GABRB1: variants seen among roughly 807,000 people sequenced by gnomAD.
The protein encoded by GABRB1 is gamma-aminobutyric acid type A receptor subunit beta1.
GABRB1 carries 17 observed loss-of-function variants against 51.6 expected under a neutral mutation model. The observed-to-expected ratio is 0.33, with a 90% CI of 0.23 to 0.49. GABRB1 has a LOEUF of 0.49. GABRB1 is among the 20% of genes least tolerant of loss of function. The probability of loss-of-function intolerance (pLI) is 0.99; values close to 1 mark genes in which losing one functional copy is unlikely to be tolerated. For synonymous variants in GABRB1, 247 were observed against 218.9 expected (o/e 1.13, Z -1.14); for missense variants, 410 against 600.6 (o/e 0.68, Z 3.32).
At chr4:47,333,190 TTATTTATATATATATATATATATATA>T (rs1442772181) in intron 5 of GABRB1, among the ~76,000 whole-genome samples, 2 of 83,504 alleles carry the variant, frequency 2.4e-5, no homozygotes, top group African/African-American at 5.2e-5. Flanking sequence ...AAAACCCATT[TTATTTATATATATATATATATATATA>T]TATATATATA....
At chr4:47,083,321 C>A (rs1727929633) in intron 3 of GABRB1, among the ~76,000 whole-genome samples, 1 of 152,126 alleles carries the variant, frequency 6.6e-6, no homozygotes, top group Non-Finnish European at 1.5e-5. Flanking sequence ...TTAGACTTTA[C>A]CTTTCTTGAG....
intron 3 of GABRB1, among the ~76,000 whole-genome samples, chr4:47,156,668 CAT>C (rs1435830481): frequency 6.7e-6 from 1 of 149,430 alleles, no homozygotes; most frequent in Non-Finnish European, 1.5e-5. Flanking sequence ...TTAAAAAAAA[CAT>C]ATATATGTTG....
At chr4:47,189,483 A>G (rs1404093362) in intron 4 of GABRB1, among the ~76,000 whole-genome samples, 2 of 151,894 alleles carry the variant, frequency 1.3e-5, no homozygotes, top group Non-Finnish European at 1.5e-5. Flanking sequence ...AAACTATCCA[A>G]TAACCTCTAT....
At chr4:47,250,779 T>C (rs904116045) in intron 4 of GABRB1, among the ~76,000 whole-genome samples, 10 of 152,190 alleles carry the variant, frequency 6.6e-5, no homozygotes, top group African/African-American at 2.4e-4. Flanking sequence ...CATTTCTGTG[T>C]GTCCAATGTT....
chr4:47,185,836 G>A (rs576186706), intron 4 of GABRB1, among the ~76,000 whole-genome samples: 1 of 151,932 alleles, frequency 6.6e-6, no homozygotes, highest in Admixed American at 6.6e-5. Flanking sequence ...GATGGAAAAA[G>A]TAATCAAAAG....
intron 5 of GABRB1, among the ~76,000 whole-genome samples, chr4:47,329,887 T>C (rs1019465180): frequency 6.6e-6 from 1 of 151,880 alleles, no homozygotes; most frequent in Non-Finnish European, 1.5e-5. Flanking sequence ...GACAGATTTA[T>C]TATAAGGAAT....
chr4:47,404,528 C>CACACACACACAT (rs1175767827), intron 7 of GABRB1, among the ~76,000 whole-genome samples: 2 of 150,742 alleles, frequency 1.3e-5, no homozygotes, highest in African/African-American at 4.9e-5. Context: ...CACACACACA[C>CACACACACACAT]ATCATTTCTG....
intron 3 of GABRB1, among the ~76,000 whole-genome samples, chr4:47,138,071 T>C (rs1560552951): frequency 6.6e-6 from 1 of 152,062 alleles, no homozygotes; most frequent in Non-Finnish European, 1.5e-5. Context: ...GTATTCAAGA[T>C]TGTGTGGATG....
intron 3 of GABRB1, among the ~76,000 whole-genome samples, chr4:47,111,734 A>G (rs1309532066): frequency 1.3e-5 from 2 of 151,894 alleles, no homozygotes; most frequent in African/African-American, 4.8e-5. Flanking sequence ...GCAGGGTGGC[A>G]CATACCTGTA....
In GABRB1 at chr4:47,425,899, C is replaced by A. The variant is rs1165212701; in HGVS notation, c.1306C>A (p.Leu436Ile). The change falls in exon 9 of 9, where the codon CTC (leucine) becomes ATC (isoleucine). Residue 436 changes from leucine (L) to isoleucine (I), a missense_variant. By Grantham distance (5) the Leu-to-Ile change is conservative. Transcript: ENST00000295454. ...KGRIRRRASQ[L>I]KVKIPDLTDV... The stretch of plus-strand genomic sequence containing the variant: ...GCGCATCCGCAGGCGTGCCTCCCAG[C>A]TCAAAGTCAAGATCCCCGACTTGAC... The A allele has an allele frequency of 1.9e-6, 3 of 1,614,116 alleles. No homozygotes were observed. In the Admixed American group the frequency reaches 5.0e-5, roughly 27 times the overall value.
chr4:47,426,079 G>A lies in GABRB1; in HGVS notation c.*61G>A. 1.5e-6 allele frequency: 2 copies of A among 1,348,862 alleles called. No individual in the cohort carries two copies. Among genetic ancestry groups the A allele is most frequent in the South Asian group, 2.9e-5 (2 of 69,754 alleles). The allele number at this position is 1,348,862 out of a possible 1,614,324, so 83.6% of individuals were successfully genotyped here. On this transcript the variant is annotated 3_prime_UTR_variant, in exon 9 of 9. Transcript: ENST00000295454. ...TCTTCTATTGTTTTTTAACCTTACA[G>A]GTCCCCAACAGCGATACTGCTGTTT...
intron 5 of GABRB1, among the ~76,000 whole-genome samples, chr4:47,376,560 T>C (rs554597927): frequency 5.3e-4 from 81 of 152,084 alleles, no homozygotes; most frequent in Non-Finnish European, 1.1e-3. Flanking sequence ...GGCAGGAGAA[T>C]GGCGTGAACC....
rs116969944 is a variant in GABRB1, at chr4:47,425,892, C to T, written c.1299C>T (p.Ala433=). Residue 433 remains alanine, a synonymous_variant, in exon 9 of 9, where the codon GCC becomes GCT. Transcript: ENST00000295454. ...VPSKGRIRRR[A]SQLKVKIPDL... ...GCAAGGGGCGCATCCGCAGGCGTGC[C>T]TCCCAGCTCAAAGTCAAGATCCCCG... The T allele has an allele frequency of 3.1e-6, 5 of 1,614,176 alleles. No homozygotes were observed. Among genetic ancestry groups the T allele is most frequent in the Non-Finnish European group, 4.2e-6 (5 of 1,180,006 alleles).
intron 4 of GABRB1, among the ~76,000 whole-genome samples, chr4:47,235,889 T>C (rs1391109501): frequency 1.3e-5 from 2 of 152,154 alleles, no homozygotes; most frequent in African/African-American, 4.8e-5. Flanking sequence ...TCTCCAGATA[T>C]AATGAGAGTT....
chr4:47,202,579 G>A (rs1046334410), intron 4 of GABRB1, among the ~76,000 whole-genome samples: 1 of 152,088 alleles, frequency 6.6e-6, no homozygotes, highest in Non-Finnish European at 1.5e-5. Flanking sequence ...GTAGTCAACT[G>A]GTTCCCACAG....
intron 1 of GABRB1, among the ~76,000 whole-genome samples, chr4:47,022,100 T>A (rs1172163949): frequency 6.6e-6 from 1 of 152,106 alleles, no homozygotes; most frequent in Non-Finnish European, 1.5e-5. Context: ...ATTTTAACAA[T>A]TGCTTTAAAT....
intron 3 of GABRB1, among the ~76,000 whole-genome samples, chr4:47,072,639 G>A (rs1727387204): frequency 6.6e-6 from 1 of 152,080 alleles, no homozygotes; most frequent in African/African-American, 2.4e-5. Flanking sequence ...GTTTGCATAA[G>A]GCAATGCTGT....
At chr4:47,416,122 G>A (rs1728907556) in intron 8 of GABRB1, among the ~76,000 whole-genome samples, 1 of 152,202 alleles carries the variant, frequency 6.6e-6, no homozygotes, top group Non-Finnish European at 1.5e-5. Context: ...TATAATGGCA[G>A]ATGACGATAA....
intron 4 of GABRB1, among the ~76,000 whole-genome samples, chr4:47,268,214 A>G (rs1166478106): frequency 1.3e-5 from 2 of 152,222 alleles, no homozygotes; most frequent in African/African-American, 2.4e-5. Flanking sequence ...CCATTTATAT[A>G]CTTTCTTACA....
Sources: gnomAD v4.1 joint callset for allele counts (sites outside exome capture counted in the v4.1 genomes callset) on GRCh38, gnomAD v4.1.1 for gene constraint, MANE v1.5 for transcripts, NCBI Gene and HGNC (gene_info 2026-07-23, HGNC 2026-07-21) for gene names.